CACNA1D: variants seen among roughly 807,000 people sequenced by gnomAD.
CACNA1D encodes voltage-dependent L-type calcium channel subunit alpha-1D.
In CACNA1D, 55 loss-of-function variants were observed where a neutral mutation model predicts 257.1. The observed-to-expected ratio is 0.21, with a 90% CI of 0.17 to 0.27. CACNA1D has a LOEUF of 0.27. Ranked by LOEUF, CACNA1D falls within the 10% of genes least tolerant of loss-of-function variation. CACNA1D has a pLI of 1.00. For missense variants in CACNA1D, 1,876 were observed against 2,784.0 expected (o/e 0.67, Z 7.34); for synonymous variants, 980 against 1,014.9 (o/e 0.97, Z 0.65).
intron 7 of CACNA1D, among the ~76,000 whole-genome samples, chr3:53,668,379 C>T (rs1038545230): frequency 6.6e-6 from 1 of 152,122 alleles, no homozygotes; most frequent in Non-Finnish European, 1.5e-5. Context: ...AAAGTTTCCG[C>T]TTACTTTCCT....
intron 19 of CACNA1D, among the ~76,000 whole-genome samples, chr3:53,733,964 G>GTATGTA (rs2095028630): frequency 7.1e-6 from 1 of 140,324 alleles, no homozygotes; most frequent in East Asian, 2.0e-4. Context: ...ATGTATGTAT[G>GTATGTA]TATGTATATG....
chr3:53,569,988 TATG>T (rs2092915219), intron 3 of CACNA1D, among the ~76,000 whole-genome samples: 1 of 152,196 alleles, frequency 6.6e-6, no homozygotes, highest in African/African-American at 2.4e-5. Context: ...TAGTGGTAAC[TATG>T]ATGATTATGG....
At chr3:53,757,828 T>C (rs1467755802) in intron 29 of CACNA1D, among the ~76,000 whole-genome samples, 1 of 152,192 alleles carries the variant, frequency 6.6e-6, no homozygotes, top group Admixed American at 6.5e-5. Context: ...AAATGTTATC[T>C]TCTCTGAGAC....
chr3:53,758,346 T>G (rs1480851163), intron 29 of CACNA1D, among the ~76,000 whole-genome samples: 1 of 152,118 alleles, frequency 6.6e-6, no homozygotes, highest in Admixed American at 6.5e-5. Context: ...GGCACATTAT[T>G]TATATAGGCT....
chr3:53,773,666 C>CT (rs2095379630), intron 33 of CACNA1D: 1 of 106,814 alleles, frequency 9.4e-6, no homozygotes, highest in East Asian at 2.0e-4. Context: ...GTGCTTTTTT[C>CT]TTTTTTCTTT....
At chr3:53,760,836 C>A (rs9836570) in intron 29 of CACNA1D, among the ~76,000 whole-genome samples, 149,412 of 152,334 alleles carry the variant, frequency 0.98, 73,322 homozygotes, top group Middle Eastern at 1. Flanking sequence ...GGGACATTGC[C>A]CATGTCAAGC....
chr3:53,648,829 A>AACACACACACACACACAC (rs148968944), intron 3 of CACNA1D, among the ~76,000 whole-genome samples: 1 of 146,752 alleles, frequency 6.8e-6, no homozygotes, highest in African/African-American at 2.5e-5. Context: ...TAACTCTCAA[A>AACACACACACACACACAC]ACACACACAC....
At chr3:53,667,173 G>A (rs1196986023) in intron 7 of CACNA1D, among the ~76,000 whole-genome samples, 1 of 152,138 alleles carries the variant, frequency 6.6e-6, no homozygotes, top group Non-Finnish European at 1.5e-5. Flanking sequence ...TAGACTTCCA[G>A]GGCTGGTGGA....
chr3:53,618,237 A>G (rs1477360970), intron 3 of CACNA1D, among the ~76,000 whole-genome samples: 2 of 152,176 alleles, frequency 1.3e-5, no homozygotes, highest in Non-Finnish European at 2.9e-5. Context: ...AGGTGAGGGC[A>G]TGAAGGGCTG....
At chr3:53,589,549 C>T (rs2093272360) in intron 3 of CACNA1D, among the ~76,000 whole-genome samples, 1 of 152,168 alleles carries the variant, frequency 6.6e-6, no homozygotes, top group South Asian at 2.1e-4. Flanking sequence ...TTTTGATCTT[C>T]CCGCCACCCA....
intron 43 of CACNA1D, among the ~76,000 whole-genome samples, 187 bp from the exon 44 acceptor site, chr3:53,803,234 CCA>C (rs916222450): frequency 1.3e-5 from 2 of 152,180 alleles, no homozygotes; most frequent in Non-Finnish European, 2.9e-5. Flanking sequence ...CGCAGGCACA[CCA>C]CACACACAGA....
At position 53,811,486 on chromosome 3, in the gene CACNA1D, A is replaced by G; in HGVS notation, c.*80A>G. ...GGGAAAAGTGCCTCATAGTTAGGAA[A>G]GTTTAGGCACTAGTTGGGAGTAATA... On this transcript the variant is annotated 3_prime_UTR_variant, in exon 48 of 48. Transcript: ENST00000350061. This position sits in a 1 kb window ranked among gnomAD's most constrained non-coding sequence, Gnocchi z 4.2. 8.4e-7 allele frequency: 1 copy of G among 1,189,230 alleles called. No homozygotes were observed. Among genetic ancestry groups the G allele is most frequent in the Non-Finnish European group, 1.2e-6 (1 of 859,482 alleles). 73.7% of individuals were successfully genotyped at this position (1,189,230 alleles called of 1,614,324 possible).
chr3:53,760,739 C>A (rs1471799833), intron 29 of CACNA1D, among the ~76,000 whole-genome samples: 2 of 152,144 alleles, frequency 1.3e-5, no homozygotes, highest in Admixed American at 6.5e-5. Context: ...GGATGTTGTA[C>A]CCTCAAAATT....
chr3:53,791,031 T>TA, intron 40 of CACNA1D: 1 of 702,312 alleles, frequency 1.4e-6, no homozygotes, highest in East Asian at 2.7e-5. Flanking sequence ...GGCACCAAGC[T>TA]GGTTAGTCGG....
At chr3:53,533,948 T>C (rs2092032791) in intron 3 of CACNA1D, among the ~76,000 whole-genome samples, 3 of 152,204 alleles carry the variant, frequency 2.0e-5, no homozygotes, top group Admixed American at 2.0e-4. Flanking sequence ...CGATCCATCA[T>C]ATAGGCAATA....
In CACNA1D at chr3:53,495,102, C is replaced by G; in HGVS notation, c.-65C>G. On this transcript the variant is annotated 5_prime_UTR_variant, in exon 1 of 48. Coordinates refer to ENST00000350061, the MANE Select transcript of CACNA1D (RefSeq NM_001128840.3). The surrounding 1 kb of genome is among the most constrained non-coding windows in gnomAD (Gnocchi z 5.1). ...CCTCTTGGTGATCCCCTTCCCCATTCCGCCCCCGCCTCAACGCCCAGCACA... is the reference window on the plus strand; with the variant it reads ...CCTCTTGGTGATCCCCTTCCCCATTGCGCCCCCGCCTCAACGCCCAGCACA... 200 of 1,088,366 alleles carry G rather than the reference C, an allele frequency of 1.8e-4. 1 individual carries two copies. Among genetic ancestry groups the G allele is most frequent in the Non-Finnish European group, 2.4e-4 (174 of 732,284 alleles). The allele number at this position is 1,088,366 out of a possible 1,614,324, so 67.4% of individuals were successfully genotyped here. A position where few individuals can be genotyped will look rare whatever the true frequency, so the allele number is the denominator to read the frequency against.
At chr3:53,641,100 C>T (rs564354895) in intron 3 of CACNA1D, among the ~76,000 whole-genome samples, 1 of 152,202 alleles carries the variant, frequency 6.6e-6, no homozygotes, top group Non-Finnish European at 1.5e-5. Flanking sequence ...GCTGTGGGAG[C>T]TGAGGGACTG....
intron 8 of CACNA1D, among the ~76,000 whole-genome samples, chr3:53,692,663 G>A (rs939539947): frequency 5.9e-5 from 9 of 152,164 alleles, no homozygotes; most frequent in Admixed American, 4.6e-4. Context: ...ACTCAACCTA[G>A]TCATTAAAAG....
At chr3:53,572,366 GTT>G (rs1201457518) in intron 3 of CACNA1D, among the ~76,000 whole-genome samples, 2 of 60,052 alleles carry the variant, frequency 3.3e-5, no homozygotes, top group South Asian at 9.6e-4. Flanking sequence ...TGGTTTGTTT[GTT>G]TGTTTGTTTA....
Sources: gnomAD v4.1 joint callset for allele counts (sites outside exome capture counted in the v4.1 genomes callset) on GRCh38, gnomAD v4.1.1 for gene constraint, Gnocchi (gnomAD v3.1) non-coding constraint, MANE v1.5 for transcripts, NCBI Gene and HGNC (gene_info 2026-07-23, HGNC 2026-07-21) for gene names.